INTS13: variants seen among roughly 807,000 people sequenced by gnomAD.
The protein encoded by INTS13 is integrator complex subunit 13, also known as asunder, spermatogenesis regulator homolog (Drosphila).
INTS13 carries 35 observed loss-of-function variants against 90.2 expected under a neutral mutation model. The ratio of observed to expected loss-of-function variants is 0.39; its 90% CI spans 0.30 to 0.51. INTS13 has a LOEUF of 0.51. Among genes scored for constraint, INTS13 ranks in the 20% least tolerant of loss-of-function variants. INTS13 has a pLI of 0.80. For missense variants in INTS13, 601 were observed against 851.2 expected (o/e 0.71, Z 3.66); for synonymous variants, 309 against 277.1 (o/e 1.11, Z -1.14).
intron 5 of INTS13, among the ~76,000 whole-genome samples, chr12:26,926,853 C>T (rs779538848): frequency 5.9e-5 from 9 of 152,172 alleles, no homozygotes; most frequent in Non-Finnish European, 1.2e-4. Context: ...GGGGTCTGGT[C>T]ACCAGAAAGA....
rs1277466724 is a variant in INTS13 at position 26,905,471 on chromosome 12, C to T, written c.*26G>A. The T allele has an allele frequency of 6.2e-7, 1 of 1,605,528 alleles. No homozygotes were observed. The highest frequency in any genetic ancestry group is 8.5e-7 in the Non-Finnish European group (1 of 1,175,798). Reference sequence around the variant, plus strand: ...CCGCACAAAATATTTTTGCAATATGCTAAATTTAGTTCTTCAAGTCACTCT... The same window carrying T: ...CCGCACAAAATATTTTTGCAATATGTTAAATTTAGTTCTTCAAGTCACTCT... On this transcript the variant is annotated 3_prime_UTR_variant, in exon 17 of 17. Transcript: ENST00000261191.
intron 15 of INTS13, among the ~76,000 whole-genome samples, chr12:26,909,725 C>G (rs548740233): frequency 6.6e-6 from 1 of 152,318 alleles, no homozygotes; most frequent in South Asian, 2.1e-4. Flanking sequence ...GGCCCTCTAG[C>G]AAATGCCTGA....
intron 3 of INTS13, among the ~76,000 whole-genome samples, chr12:26,931,008 G>A (rs926028366): frequency 6.6e-6 from 1 of 152,052 alleles, no homozygotes; most frequent in Non-Finnish European, 1.5e-5. Flanking sequence ...AGAATGAAAG[G>A]TTAGCTTTGT....
At chr12:26,914,866 A>G (rs567713356) in intron 11 of INTS13, among the ~76,000 whole-genome samples, 2 of 152,280 alleles carry the variant, frequency 1.3e-5, no homozygotes, top group South Asian at 2.1e-4. Context: ...TCTGTAATTT[A>G]ACTTTTCTAT....
intron 3 of INTS13, among the ~76,000 whole-genome samples, chr12:26,930,121 T>G (rs900621213): frequency 1.1e-4 from 16 of 152,064 alleles, no homozygotes; most frequent in Admixed American, 2.0e-4. Context: ...ACTATAAAAC[T>G]TATACTCTGA....
At chr12:26,921,283 G>A (rs1214403980) in intron 8 of INTS13, among the ~76,000 whole-genome samples, 1 of 151,896 alleles carries the variant, frequency 6.6e-6, no homozygotes, top group African/African-American at 2.4e-5. Flanking sequence ...ATTTTTAGAG[G>A]AAAAAAAACT....
intron 5 of INTS13, among the ~76,000 whole-genome samples, chr12:26,926,185 A>C (rs919000480): frequency 4.6e-5 from 7 of 152,328 alleles, no homozygotes; most frequent in Non-Finnish European, 1.0e-4. Flanking sequence ...CCTTATACTA[A>C]TATTTCTTAA....
chr12:26,906,694 C>T (rs1034945196), intron 15 of INTS13, among the ~76,000 whole-genome samples: 1 of 152,174 alleles, frequency 6.6e-6, no homozygotes, highest in East Asian at 1.9e-4. Context: ...TAAAGTTACA[C>T]TCCTGGTTAA....
At position 26,905,455 on chromosome 12, in the gene INTS13, A is replaced by G. The variant is rs1227509754; in HGVS notation, c.*42T>C. The G allele has an allele frequency of 1.3e-6, 2 of 1,592,504 alleles. No individual in the cohort carries two copies. Among genetic ancestry groups the G allele is most frequent in the African/African-American group, 1.3e-5 (1 of 74,344 alleles). ...GTACTTATATCGAATTCCGCACAAA[A>G]TATTTTTGCAATATGCTAAATTTAG... On this transcript the variant is annotated 3_prime_UTR_variant, in exon 17 of 17. Coordinates refer to ENST00000261191, the MANE Select transcript of INTS13 (RefSeq NM_018164.3).
chr12:26,933,490 T>C (rs774577452), intron 3 of INTS13, among the ~76,000 whole-genome samples: 2 of 152,184 alleles, frequency 1.3e-5, no homozygotes, highest in Non-Finnish European at 2.9e-5. Flanking sequence ...GAGTATATAA[T>C]GCCCTCAAAA....
chr12:26,927,305 G>A (rs1937930269), intron 5 of INTS13, among the ~76,000 whole-genome samples: 1 of 152,192 alleles, frequency 6.6e-6, no homozygotes, highest in Non-Finnish European at 1.5e-5. Context: ...CAGTCTTGTG[G>A]AACTGAGTCT....
At chr12:26,909,476 T>C (rs907074513) in intron 15 of INTS13, among the ~76,000 whole-genome samples, 34 of 148,110 alleles carry the variant, frequency 2.3e-4, no homozygotes, top group Admixed American at 4.7e-4. Context: ...AATACTCTTT[T>C]TTTTTTTTTT....
rs956539196 is a variant in INTS13, at chr12:26,928,609, A to C, written c.503+94T>G. 3 of 1,313,442 alleles carry C rather than the reference A, an allele frequency of 2.3e-6. No homozygotes were observed. The African/African-American group carries it at 4.4e-5, about 19-fold the overall frequency. 81.4% of individuals were successfully genotyped at this position (1,313,442 alleles called of 1,614,324 possible). On this transcript the variant is annotated intron_variant, in intron 4 of 16. Transcript: ENST00000261191. ...GGCCACTTGTAATATGCTTAAACGT[A>C]AACATGTAAACATGCTGTCTCTACT...
rs551458125 is a variant in INTS13, at chr12:26,913,708, T to C, written c.1575-21A>G. 3.2e-6 allele frequency: 5 copies of C among 1,564,566 alleles called. No homozygotes were observed. The Admixed American group carries it at 7.0e-5, about 22-fold the overall frequency. On this transcript the variant is annotated intron_variant, in intron 13 of 16. Coordinates refer to ENST00000261191, the MANE Select transcript of INTS13 (RefSeq NM_018164.3). ...CATCTCTGCAGCAAAGATTTGGAAA[T>C]ACTCTTTAAATAATATTGAAGTGTC...
chr12:26,916,227 T>G, intron 10 of INTS13, 47 bp from the exon 11 acceptor site: 1 of 1,428,392 alleles, frequency 7.0e-7, no homozygotes, highest in African/African-American at 1.4e-5. Context: ...TCAAATGGGC[T>G]CTCATTTATT....
Position 26,909,779 on chromosome 12 carries a change from C to G in INTS13, c.1945+1399G>C, listed in dbSNP as rs553598327. ...TCACCTCAAGGGTGATCTCTGGCTT[C>G]AAAGAAACTAGTGAACTGAAGAATA... is the stretch of plus-strand genomic sequence containing the variant. On this transcript the variant is annotated intron_variant, in intron 15 of 16. Transcript: ENST00000261191. 2.0e-5 allele frequency among the ~76,000 whole-genome samples: 3 copies of G among 152,302 alleles called. No individual in the cohort carries two copies. In the East Asian group the frequency reaches 5.8e-4, roughly 29 times the overall value.
chr12:26,928,879 C>A lies in INTS13; in HGVS notation c.327G>T (p.Gly109=). The change falls in exon 4 of 17, where the codon GGG becomes GGT. Residue 109 remains glycine, a synonymous_variant. Transcript: ENST00000261191. ...CTGGATCTGCCCGAGGATTAGGAGG[C>A]CCAACAGCGGCTAATGCTGCCATTA... ...QELMAALAAV[G]PPNPRADPEC... is the part of the protein sequence containing the mutation. The A allele has an allele frequency of 6.2e-7, 1 of 1,614,084 alleles. No individual in the cohort carries two copies. The highest frequency in any genetic ancestry group is 8.5e-7 in the Non-Finnish European group (1 of 1,180,020).
intron 16 of INTS13, among the ~76,000 whole-genome samples, chr12:26,905,889 C>T (rs762062574): frequency 6.6e-5 from 10 of 152,010 alleles, no homozygotes; most frequent in Non-Finnish European, 1.2e-4. Flanking sequence ...AATGTATTTC[C>T]ACCAACAAAT....
chr12:26,919,704 A>C (rs1952051696), intron 8 of INTS13, among the ~76,000 whole-genome samples: 1 of 152,210 alleles, frequency 6.6e-6, no homozygotes, highest in African/African-American at 2.4e-5. Flanking sequence ...ATGAACAGAC[A>C]ACAGGGCCAT....
Sources: allele counts gnomAD v4.1 joint callset (sites outside exome capture counted in the v4.1 genomes callset), GRCh38; gene constraint gnomAD v4.1.1; transcripts MANE v1.5; gene names NCBI Gene and HGNC (gene_info 2026-07-23, HGNC 2026-07-21).